The following ESRRG variants were observed in gnomAD, a reference collection of about 807,000 sequenced individuals.
The protein encoded by ESRRG is estrogen-related receptor gamma.
Under a neutral mutation model 44.0 loss-of-function variants are expected in ESRRG, and 13 were observed. The observed-to-expected ratio is 0.30, with a 90% CI of 0.19 to 0.47. ESRRG has a LOEUF of 0.47. Among genes scored for constraint, ESRRG ranks in the 20% least tolerant of loss-of-function variants. The probability of loss-of-function intolerance (pLI) is 1.00; values close to 1 mark genes in which losing one functional copy is unlikely to be tolerated. For missense variants in ESRRG, 395 were observed against 580.6 expected (o/e 0.68, Z 3.29); for synonymous variants, 215 against 214.6 (o/e 1.00, Z -0.02).
At chr1:216,977,459 T>C (rs193276643) in intron 1 of ESRRG, among the ~76,000 whole-genome samples, 20 of 152,070 alleles carry the variant, frequency 1.3e-4, no homozygotes, top group African/African-American at 7.2e-5. Context: ...TTATTTTACT[T>C]AATATTTGTA....
chr1:217,008,230 A>T (rs1027669427), intron 1 of ESRRG, among the ~76,000 whole-genome samples: 1 of 152,218 alleles, frequency 6.6e-6, no homozygotes, highest in Non-Finnish European at 1.5e-5. Context: ...CATTTTACAG[A>T]TGAGTAACTT....
At chr1:216,879,499 A>AG (rs1465437898) in intron 2 of ESRRG, among the ~76,000 whole-genome samples, 1 of 151,564 alleles carries the variant, frequency 6.6e-6, no homozygotes, top group Non-Finnish European at 1.5e-5. Context: ...AAAAAAAAAA[A>AG]AAAAAAGAAG....
chr1:217,108,340 T>G (rs537182017), intron 1 of ESRRG, among the ~76,000 whole-genome samples: 17 of 152,224 alleles, frequency 1.1e-4, no homozygotes, highest in Admixed American at 3.9e-4. Context: ...TTTGCAGCTC[T>G]CCGATGGTAT....
intron 2 of ESRRG, among the ~76,000 whole-genome samples, chr1:216,729,235 T>A (rs915145270): frequency 6.6e-6 from 1 of 152,226 alleles, no homozygotes; most frequent in Admixed American, 6.5e-5. Flanking sequence ...TGAGGAAATT[T>A]TGGCTTGTGC....
chr1:216,592,837 A>C (rs1392438738), intron 3 of ESRRG, among the ~76,000 whole-genome samples: 2 of 152,156 alleles, frequency 1.3e-5, no homozygotes, highest in Non-Finnish European at 2.9e-5. Context: ...CAGAGGTGAT[A>C]ATTTGAAGGA....
chr1:216,606,268 G>A (rs1359097348), intron 3 of ESRRG, among the ~76,000 whole-genome samples: 1 of 152,100 alleles, frequency 6.6e-6, no homozygotes, highest in Non-Finnish European at 1.5e-5. Context: ...TTGGAGCTGT[G>A]ATATGTTTAG....
At chr1:216,560,272 AG>A (rs888927985) in intron 5 of ESRRG, among the ~76,000 whole-genome samples, 5 of 152,262 alleles carry the variant, frequency 3.3e-5, no homozygotes, top group African/African-American at 1.2e-4. Flanking sequence ...AATGTAACTG[AG>A]GCCCCCCAAA....
chr1:217,061,927 A>C (rs898453005), intron 1 of ESRRG, among the ~76,000 whole-genome samples: 1 of 152,206 alleles, frequency 6.6e-6, no homozygotes, highest in Non-Finnish European at 1.5e-5. Flanking sequence ...CCCAGATATA[A>C]CATCTGCAAA....
chr1:217,123,703 T>A (rs1476608894), intron 1 of ESRRG, among the ~76,000 whole-genome samples: 1 of 151,916 alleles, frequency 6.6e-6, no homozygotes, highest in Non-Finnish European at 1.5e-5. Context: ...AGCTGAACAA[T>A]GATAACACAT....
At chr1:217,040,659 T>C (rs2083694233) in intron 1 of ESRRG, among the ~76,000 whole-genome samples, 1 of 152,198 alleles carries the variant, frequency 6.6e-6, no homozygotes, top group African/African-American at 2.4e-5. Flanking sequence ...AGTACACCTT[T>C]ACACTTCCAA....
Position 216,884,214 on chromosome 1 carries a change from G to C in ESRRG, c.-14+55368C>G, listed in dbSNP as rs1353728059. On this transcript the variant is annotated intron_variant, in intron 2 of 7. Coordinates refer to the ESRRG transcript ENST00000359162. ...TTTTACACTGAAACATAAATCTCCT[G>C]CTTTATGAATATATAGTAAGAACAC... is the stretch of plus-strand genomic sequence containing the variant. Among the ~76,000 whole-genome samples the C allele has an allele frequency of 6.6e-5, 10 of 152,274 alleles. No individual in the cohort carries two copies. The South Asian group carries it at 2.1e-3, about 32-fold the overall frequency.
chr1:216,939,357 A>AAAAAAAAC (rs2064777868), intron 2 of ESRRG, among the ~76,000 whole-genome samples: 1 of 134,742 alleles, frequency 7.4e-6, no homozygotes, highest in African/African-American at 2.6e-5. Context: ...AAAAAAAAAA[A>AAAAAAAAC]AAAAAAAAAA....
intron 2 of ESRRG, among the ~76,000 whole-genome samples, chr1:216,798,173 C>A (rs753676997): frequency 7.9e-5 from 12 of 151,970 alleles, no homozygotes; most frequent in Non-Finnish European, 1.6e-4. Context: ...TTCTCTTCCT[C>A]AACACATACT....
chr1:216,685,323 G>A (rs184226047), intron 1 of ESRRG, among the ~76,000 whole-genome samples: 102 of 152,244 alleles, frequency 6.7e-4, no homozygotes, highest in African/African-American at 2.4e-3. Flanking sequence ...TTTATTCAGT[G>A]TTAGAGGTTT....
chr1:217,126,000 G>A (rs908650397), intron 1 of ESRRG, among the ~76,000 whole-genome samples: 13 of 152,216 alleles, frequency 8.5e-5, no homozygotes, highest in African/African-American at 2.9e-4. Context: ...AAATAACCCA[G>A]GTCACTCTGT....
At chr1:216,786,598 T>C (rs2094135397) in intron 2 of ESRRG, among the ~76,000 whole-genome samples, 1 of 152,122 alleles carries the variant, frequency 6.6e-6, no homozygotes, top group Non-Finnish European at 1.5e-5. Context: ...TAAAGCCACA[T>C]ATAGTCCAAA....
At chr1:216,781,721 A>C (rs1313962433) in intron 2 of ESRRG, among the ~76,000 whole-genome samples, 1 of 152,054 alleles carries the variant, frequency 6.6e-6, no homozygotes, top group Non-Finnish European at 1.5e-5. Flanking sequence ...TGGTTACCTC[A>C]GAAAGCCAAG....
rs552545994 is a variant in ESRRG at position 216,627,882 on chromosome 1, C to T, written c.589+23091G>A. Reference sequence around the variant, plus strand: ...TTAGGAGAATGAAAGTATTCCTATGCTTGTTTTTGTATTTACAGTATGCAA... The same window carrying T: ...TTAGGAGAATGAAAGTATTCCTATGTTTGTTTTTGTATTTACAGTATGCAA... On this transcript the variant is annotated intron_variant, in intron 3 of 6. Coordinates refer to ENST00000408911, the MANE Select transcript of ESRRG (RefSeq NM_001438.4). Among the ~76,000 whole-genome samples, 8 of 152,078 alleles carry T rather than the reference C, an allele frequency of 5.3e-5. No individual in the cohort carries two copies. The South Asian group carries it at 1.5e-3, about 28-fold the overall frequency.
intron 1 of ESRRG, among the ~76,000 whole-genome samples, chr1:216,966,033 A>G (rs1387619583): frequency 6.6e-6 from 1 of 152,190 alleles, no homozygotes; most frequent in Non-Finnish European, 1.5e-5. Flanking sequence ...CACTGCTGGT[A>G]TGTGGGCCAC....
Sources: allele counts gnomAD v4.1 joint callset (sites outside exome capture counted in the v4.1 genomes callset), GRCh38; gene constraint gnomAD v4.1.1; transcripts MANE v1.5; gene names NCBI Gene and HGNC (gene_info 2026-07-23, HGNC 2026-07-21).